EPHA6: variants seen among roughly 807,000 people sequenced by gnomAD.
EPHA6 encodes the protein ephrin type-A receptor 6.
Under a neutral mutation model 112.0 loss-of-function variants are expected in EPHA6, and 50 were observed. The observed-to-expected ratio is 0.45, with a 90% CI of 0.36 to 0.56. The LOEUF is 0.56. Among genes scored for constraint, EPHA6 ranks in the 20% least tolerant of loss-of-function variants. EPHA6 has a pLI of 0.00. For synonymous variants in EPHA6, 529 were observed against 490.7 expected (o/e 1.08, Z -1.03); for missense variants, 1,280 against 1,417.4 (o/e 0.90, Z 1.56).
At chr3:97,557,771 TCTC>T (rs2107138401) in intron 11 of EPHA6, among the ~76,000 whole-genome samples, 1 of 152,054 alleles carries the variant, frequency 6.6e-6, no homozygotes, top group Admixed American at 6.6e-5. Flanking sequence ...GAGTTTCCAT[TCTC>T]CTGTGATTTT....
At chr3:97,460,959 T>C (rs7611464) in intron 7 of EPHA6, among the ~76,000 whole-genome samples, 1,688 of 152,286 alleles carry the variant, frequency 0.011, 33 homozygotes, top group African/African-American at 0.039. Flanking sequence ...ATAAGAGATA[T>C]TCTGGTGCAG....
chr3:97,267,030 C>T (rs1186462736), intron 5 of EPHA6, among the ~76,000 whole-genome samples: 1 of 152,002 alleles, frequency 6.6e-6, no homozygotes, highest in East Asian at 1.9e-4. Context: ...TATAACCATA[C>T]CAGTTTGTTA....
chr3:97,689,479 CGGTA>C (rs910685383), intron 14 of EPHA6, among the ~76,000 whole-genome samples: 5 of 152,084 alleles, frequency 3.3e-5, no homozygotes, highest in African/African-American at 1.2e-4. Flanking sequence ...GCCTGTAATG[CGGTA>C]GGCAGGCCTC....
chr3:97,218,990 G>A (rs894579474), intron 3 of EPHA6, among the ~76,000 whole-genome samples: 6 of 152,110 alleles, frequency 3.9e-5, no homozygotes, highest in African/African-American at 9.7e-5. Context: ...AATCTAGTGT[G>A]GCAGTCAAAT....
intron 3 of EPHA6, among the ~76,000 whole-genome samples, chr3:97,047,584 A>G (rs1222797133): frequency 6.6e-6 from 1 of 151,310 alleles, no homozygotes; most frequent in African/African-American, 2.4e-5. Context: ...AGTTTATATT[A>G]TGTGCCTGAA....
chr3:97,372,600 A>T (rs2085119493), intron 5 of EPHA6, among the ~76,000 whole-genome samples: 1 of 152,170 alleles, frequency 6.6e-6, no homozygotes, highest in East Asian at 1.9e-4. Context: ...ATAAAATATT[A>T]TACAGCAGTT....
chr3:97,679,427 A>G (rs2031677890), intron 14 of EPHA6, among the ~76,000 whole-genome samples: 1 of 152,176 alleles, frequency 6.6e-6, no homozygotes, highest in South Asian at 2.1e-4. Context: ...TCTATTTATA[A>G]TATGTGAAGT....
At chr3:97,031,671 A>G (rs1054622878) in intron 3 of EPHA6, among the ~76,000 whole-genome samples, 1 of 152,218 alleles carries the variant, frequency 6.6e-6, no homozygotes, top group Non-Finnish European at 1.5e-5. Context: ...GAAGACATAT[A>G]TGCAGCCAAA....
chr3:97,603,549 T>G (rs1432572787), intron 12 of EPHA6, among the ~76,000 whole-genome samples: 1 of 151,882 alleles, frequency 6.6e-6, no homozygotes, highest in African/African-American at 2.4e-5. Context: ...CGAATCATCA[T>G]AGTGACTATA....
chr3:97,679,272 T>C (rs2031662313), intron 14 of EPHA6, among the ~76,000 whole-genome samples: 1 of 152,162 alleles, frequency 6.6e-6, no homozygotes, highest in Admixed American at 6.6e-5. Context: ...TTCAATCTCT[T>C]TCCTCATTTC....
Position 97,678,947 on chromosome 3 carries a change from A to G in EPHA6, c.2784+40865A>G, listed in dbSNP as rs145405064. Among the ~76,000 whole-genome samples the G allele has an allele frequency of 3.4e-3, 520 of 152,308 alleles. 4 individuals carry two copies. Among genetic ancestry groups the G allele is most frequent in the African/African-American group, 0.012 (487 of 41,576 alleles). On this transcript the variant is annotated intron_variant, in intron 14 of 17. Transcript: ENST00000389672. Reference sequence around the variant, plus strand: ...TGCATGAGACCCAATCTGAAACTCTATCTTTTAATAAAGATTTCAACCCAT... The same window carrying G: ...TGCATGAGACCCAATCTGAAACTCTGTCTTTTAATAAAGATTTCAACCCAT...
intron 11 of EPHA6, among the ~76,000 whole-genome samples, chr3:97,547,512 A>T (rs1335498034): frequency 6.6e-6 from 1 of 152,174 alleles, no homozygotes; most frequent in Non-Finnish European, 1.5e-5. Context: ...CTTGGGGGTC[A>T]GGGACCCAGT....
chr3:97,572,071 G>A (rs1419022012), intron 11 of EPHA6, among the ~76,000 whole-genome samples: 2 of 150,978 alleles, frequency 1.3e-5, no homozygotes, highest in African/African-American at 4.9e-5. Flanking sequence ...TCTATCTAAA[G>A]TAGAAGTTTT....
intron 2 of EPHA6, among the ~76,000 whole-genome samples, chr3:96,876,971 A>G (rs1356311334): frequency 6.6e-6 from 1 of 152,160 alleles, no homozygotes; most frequent in Admixed American, 6.6e-5. Flanking sequence ...ACCAGATTGT[A>G]AACTCTTGCA....
intron 5 of EPHA6, among the ~76,000 whole-genome samples, chr3:97,388,748 AG>A (rs1472079904): frequency 6.6e-6 from 1 of 152,174 alleles, no homozygotes. Context: ...TGGGGGAAAA[AG>A]ATCCTCATCA....
At chr3:96,918,616 ATATTT>A (rs72065144) in intron 2 of EPHA6, among the ~76,000 whole-genome samples, 2,400 of 152,126 alleles carry the variant, frequency 0.016, 59 homozygotes, top group African/African-American at 0.047. Context: ...AGTTTTAATA[ATATTT>A]TATTTAAGGT....
chr3:97,478,521 T>G (rs1342554973), intron 8 of EPHA6, among the ~76,000 whole-genome samples: 1 of 152,114 alleles, frequency 6.6e-6, no homozygotes, highest in African/African-American at 2.4e-5. Flanking sequence ...TTTGCCAATT[T>G]ATATTTCATT....
chr3:97,723,599 G>A (rs1439169034), intron 15 of EPHA6, among the ~76,000 whole-genome samples: 1 of 152,064 alleles, frequency 6.6e-6, no homozygotes, highest in African/African-American at 2.4e-5. Context: ...TTTCCACTAG[G>A]TAGGGTTTAA....
intron 7 of EPHA6, among the ~76,000 whole-genome samples, chr3:97,460,112 A>G (rs758914486): frequency 6.6e-6 from 1 of 152,240 alleles, no homozygotes; most frequent in Non-Finnish European, 1.5e-5. Flanking sequence ...ATGCAAAGGC[A>G]TTTGTCTCAG....
Sources: gnomAD v4.1 joint callset for allele counts (sites outside exome capture counted in the v4.1 genomes callset) on GRCh38, gnomAD v4.1.1 for gene constraint, MANE v1.5 for transcripts, NCBI Gene and HGNC (gene_info 2026-07-23, HGNC 2026-07-21) for gene names.